The following FBXW10B variants were observed in gnomAD, a reference collection of about 807,000 sequenced individuals.
FBXW10B encodes the protein F-box and WD repeat domain containing 10B, also known as F-box and WD repeat domain containing protein 10B.
At chr17:15,594,299 C>T in the FBXW10B span, among the ~76,000 whole-genome samples, 9 of 151,764 alleles carry the variant, frequency 5.9e-5, no homozygotes, top group East Asian at 2.0e-4. Context: ...CGTGAAACCC[C>T]GTCTCTACTA....
At chr17:15,600,693 A>G in the FBXW10B span, among the ~76,000 whole-genome samples, 1 of 152,312 alleles carries the variant, frequency 6.6e-6, no homozygotes, top group Non-Finnish European at 1.5e-5. Flanking sequence ...ACAGCACTGG[A>G]AGGCCTAGGC....
the FBXW10B span, among the ~76,000 whole-genome samples, chr17:15,591,446 C>T: frequency 6.6e-6 from 1 of 152,128 alleles, no homozygotes; most frequent in Admixed American, 6.5e-5. Context: ...TGCACCACCA[C>T]ACCCAGCTCA....
chr17:15,590,599 G>A, the FBXW10B span, among the ~76,000 whole-genome samples: 21,672 of 148,078 alleles, frequency 0.15, 1,554 homozygotes, highest in East Asian at 0.29. Context: ...TCCCGGTCAC[G>A]TTCCTCTTCC....
the FBXW10B span, among the ~76,000 whole-genome samples, chr17:15,616,468 C>G: frequency 6.7e-6 from 1 of 149,434 alleles, no homozygotes; most frequent in African/African-American, 2.4e-5. Flanking sequence ...CTGCGCCCAA[C>G]CAGAACATTT....
At chr17:15,589,205 T>C in the FBXW10B span, 1 of 1,613,656 alleles carries the variant, frequency 6.2e-7, no homozygotes, top group Admixed American at 1.7e-5. Flanking sequence ...TTAGCAAATG[T>C]GCTGATGTGG....
the FBXW10B span, among the ~76,000 whole-genome samples, chr17:15,570,709 C>T: frequency 1.3e-5 from 2 of 152,212 alleles, no homozygotes; most frequent in Admixed American, 1.3e-4. Context: ...AGAAAAGCTA[C>T]TAGGAGTAAT....
At chr17:15,578,470 G>A in the FBXW10B span, among the ~76,000 whole-genome samples, 1 of 151,896 alleles carries the variant, frequency 6.6e-6, no homozygotes, top group Non-Finnish European at 1.5e-5. Context: ...GACCCTATTT[G>A]GTGCAGGTGA....
the FBXW10B span, chr17:15,594,679 T>G: frequency 6.5e-7 from 1 of 1,528,970 alleles, no homozygotes. Flanking sequence ...TGCCAATGAT[T>G]GCAGTCTAGG....
chr17:15,591,294 A>T, the FBXW10B span, among the ~76,000 whole-genome samples: 1 of 151,878 alleles, frequency 6.6e-6, no homozygotes, highest in Non-Finnish European at 1.5e-5. Context: ...GTTTAAAATC[A>T]TTTTTTTTCT....
At chr17:15,569,213 A>AT in the FBXW10B span, 1 of 246,962 alleles carries the variant, frequency 4.0e-6, no homozygotes, top group East Asian at 1.8e-4. Context: ...GGAGATCGCC[A>AT]TACTATTTTC....
chr17:15,614,059 G>T, the FBXW10B span: 4 of 1,606,460 alleles, frequency 2.5e-6, no homozygotes, highest in African/African-American at 5.4e-5. Context: ...AGAAAGGTAC[G>T]TGGTTGAGTT....
At chr17:15,575,863 G>C in the FBXW10B span, among the ~76,000 whole-genome samples, 2 of 152,130 alleles carry the variant, frequency 1.3e-5, no homozygotes, top group Non-Finnish European at 2.9e-5. Flanking sequence ...GGGACTTTAC[G>C]TGGCACTTGG....
chr17:15,596,674 G>A, the FBXW10B span: 1 of 1,613,028 alleles, frequency 6.2e-7, no homozygotes, highest in Non-Finnish European at 8.5e-7. Flanking sequence ...TGAAAAGGAG[G>A]GAGACAGAGG....
chr17:15,591,970 C>T, the FBXW10B span, among the ~76,000 whole-genome samples: 1 of 152,206 alleles, frequency 6.6e-6, no homozygotes, highest in African/African-American at 2.4e-5. Context: ...CTTGCCCTCC[C>T]TGTCCCCTTC....
At chr17:15,591,328 C>T in the FBXW10B span, among the ~76,000 whole-genome samples, 2 of 152,150 alleles carry the variant, frequency 1.3e-5, no homozygotes, top group Non-Finnish European at 2.9e-5. Context: ...CTCGCTCTGT[C>T]GCCCAGGCTG....
At chr17:15,593,401 T>C in the FBXW10B span, 1 of 1,614,200 alleles carries the variant, frequency 6.2e-7, no homozygotes, top group Non-Finnish European at 8.5e-7. Context: ...ATCACCTTCA[T>C]ACAGTTCCCA....
the FBXW10B span, chr17:15,619,332 G>C: frequency 6.2e-7 from 1 of 1,613,660 alleles, no homozygotes; most frequent in Non-Finnish European, 8.5e-7. Flanking sequence ...AACTGCTTCA[G>C]AATGCCAACT....
chr17:15,583,322 G>T, the FBXW10B span, among the ~76,000 whole-genome samples: 1 of 132,254 alleles, frequency 7.6e-6, no homozygotes, highest in African/African-American at 2.6e-5. Context: ...CCATCCATCG[G>T]GTCTCAGTTT....
chr17:15,577,562 A>G, the FBXW10B span, among the ~76,000 whole-genome samples: 1 of 146,654 alleles, frequency 6.8e-6, no homozygotes, highest in South Asian at 2.1e-4. Context: ...CTGTCATAGT[A>G]ACTTAGTCTA....
Sources: gnomAD v4.1 joint callset for allele counts (sites outside exome capture counted in the v4.1 genomes callset) on GRCh38, gnomAD v4.1.1 for gene constraint, MANE v1.5 for transcripts, NCBI Gene and HGNC (gene_info 2026-07-23, HGNC 2026-07-21) for gene names.